Variants in PRKACB observed in about 807,000 individuals in gnomAD.
PRKACB encodes the protein protein kinase cAMP-activated catalytic subunit beta.
In PRKACB, 16 loss-of-function variants were observed where a neutral mutation model predicts 51.4. The ratio of observed to expected loss-of-function variants is 0.31; its 90% CI spans 0.21 to 0.47. PRKACB has a LOEUF of 0.47. Among genes scored for constraint, PRKACB ranks in the 20% least tolerant of loss-of-function variants. The pLI, the probability that PRKACB is intolerant of heterozygous loss-of-function variation, is 1.00. For missense variants in PRKACB, 309 were observed against 464.5 expected (o/e 0.67, Z 3.08); for synonymous variants, 147 against 154.4 (o/e 0.95, Z 0.35).
intron 1 of PRKACB, among the ~76,000 whole-genome samples, chr1:84,093,057 G>A (rs1000210055): frequency 2.0e-5 from 3 of 151,764 alleles, no homozygotes; most frequent in South Asian, 2.1e-4. Context: ...CTTTCTTAAC[G>A]ATGTCTCCTT....
intron 5 of PRKACB, among the ~76,000 whole-genome samples, chr1:84,186,239 G>A (rs1472414344): frequency 6.6e-6 from 1 of 151,154 alleles, no homozygotes; most frequent in Non-Finnish European, 1.5e-5. Context: ...TTTTTTTTGA[G>A]ACTGAGTCTC....
rs115712276 is a variant in PRKACB, at chr1:84,100,458, T to C, written c.46+22087T>C. Among the ~76,000 whole-genome samples the C allele has an allele frequency of 5.4e-3, 829 of 152,264 alleles. 5 individuals carry two copies. Among genetic ancestry groups the C allele is most frequent in the African/African-American group, 0.019 (783 of 41,536 alleles). The stretch of plus-strand genomic sequence containing the variant: ...ATTTTAGAAAGTTATTCACCAAAAC[T>C]TTAATAATTATAAAAAGTGGCTTTT... On this transcript the variant is annotated intron_variant, in intron 1 of 8. Coordinates refer to the PRKACB transcript ENST00000370688.
At chr1:84,093,920 A>C (rs1322046303) in intron 1 of PRKACB, among the ~76,000 whole-genome samples, 5 of 151,908 alleles carry the variant, frequency 3.3e-5, no homozygotes, top group African/African-American at 1.2e-4. Flanking sequence ...TTTCATTGTG[A>C]GTATATAAGC....
At chr1:84,130,554 G>A (rs974981291) in intron 1 of PRKACB, among the ~76,000 whole-genome samples, 6 of 152,162 alleles carry the variant, frequency 3.9e-5, no homozygotes, top group Non-Finnish European at 7.3e-5. Flanking sequence ...AACCCTACAG[G>A]TCTTTGAAAT....
intron 1 of PRKACB, among the ~76,000 whole-genome samples, chr1:84,136,928 G>A (rs1652884459): frequency 6.6e-6 from 1 of 152,130 alleles, no homozygotes; most frequent in Non-Finnish European, 1.5e-5. Flanking sequence ...ATTGAATCAT[G>A]GAGGTGTTTT....
chr1:84,164,540 A>C, intron 1 of PRKACB: 1 of 1,443,246 alleles, frequency 6.9e-7, no homozygotes, highest in Non-Finnish European at 9.4e-7. Context: ...TAAAATAAAA[A>C]GGTATTTTAT....
At chr1:84,093,269 A>ATC (rs375522844) in intron 1 of PRKACB, among the ~76,000 whole-genome samples, 33,182 of 146,212 alleles carry the variant, frequency 0.23, 3,900 homozygotes, top group Middle Eastern at 0.34. Flanking sequence ...AAGTGTGTGC[A>ATC]TCTCTCTCTC....
chr1:84,208,588 C>T lies in PRKACB; in HGVS notation c.907-5565C>T, dbSNP rs370196261. On this transcript the variant is annotated intron_variant, in intron 8 of 9. Transcript: ENST00000370685. ...TACTTTCCCAATGACTTTTCTAGCA[C>T]AGACTGTCCTTGGCGCATCTGTAAA... Among the ~76,000 whole-genome samples the T allele has an allele frequency of 5.3e-4, 80 of 152,312 alleles. 1 individual carries two copies. In the South Asian group the frequency reaches 0.016, roughly 31 times the overall value.
intron 1 of PRKACB, among the ~76,000 whole-genome samples, chr1:84,095,247 G>GGTT (rs759424715): frequency 7.3e-6 from 1 of 137,154 alleles, no homozygotes; most frequent in African/African-American, 2.7e-5. Context: ...CATATTTGCT[G>GGTT]TTTTTTTTTT....
intron 8 of PRKACB, among the ~76,000 whole-genome samples, chr1:84,210,101 A>G (rs914495929): frequency 2.0e-5 from 3 of 152,192 alleles, no homozygotes; most frequent in Non-Finnish European, 4.4e-5. Context: ...AAGTATCACA[A>G]GTGATTCTGA....
intron 9 of PRKACB, among the ~76,000 whole-genome samples, chr1:84,225,384 A>T (rs1674418893): frequency 6.6e-6 from 1 of 152,154 alleles, no homozygotes; most frequent in Non-Finnish European, 1.5e-5. Flanking sequence ...TTCCGGCCCC[A>T]GAAACAGCCT....
intron 1 of PRKACB, among the ~76,000 whole-genome samples, 176 bp downstream of exon 1, chr1:84,144,724 T>A (rs1005546544): frequency 3.9e-5 from 6 of 152,206 alleles, no homozygotes; most frequent in African/African-American, 1.4e-4. Context: ...TTGAGCTGAA[T>A]CATTCAGCTT....
At chr1:84,180,972 T>C (rs190918843) in intron 2 of PRKACB, among the ~76,000 whole-genome samples, 7 of 152,166 alleles carry the variant, frequency 4.6e-5, no homozygotes. Context: ...AACCTAAGAT[T>C]AAATATTAAT....
rs139929771 is a variant in PRKACB, at chr1:84,115,462, A to G, written c.46+37091A>G. ...GAGTAGCATGCAGGTATTTTCTCCTATTGAAAAGGTTGTCTCTTCACCCTG... is the reference window on the plus strand; with the variant it reads ...GAGTAGCATGCAGGTATTTTCTCCTGTTGAAAAGGTTGTCTCTTCACCCTG... On this transcript the variant is annotated intron_variant, in intron 1 of 8. Coordinates refer to the PRKACB transcript ENST00000370688. 7.9e-5 allele frequency among the ~76,000 whole-genome samples: 12 copies of G among 151,884 alleles called. No individual in the cohort carries two copies. The East Asian group carries it at 9.7e-4, about 12-fold the overall frequency.
chr1:84,193,446 A>G (rs6661411), intron 5 of PRKACB, among the ~76,000 whole-genome samples: 21,030 of 152,238 alleles, frequency 0.14, 1,636 homozygotes, highest in Non-Finnish European at 0.16. Context: ...AGCAAGAATT[A>G]CAATGCAAGG....
chr1:84,204,507 C>T (rs200352179), intron 8 of PRKACB: 3 of 1,603,098 alleles, frequency 1.9e-6, no homozygotes, highest in Non-Finnish European at 2.6e-6. Context: ...CAAAACAAAA[C>T]TTTGAGAAAA....
intron 1 of PRKACB, among the ~76,000 whole-genome samples, chr1:84,082,077 C>T (rs1647584319): frequency 6.6e-6 from 1 of 152,290 alleles, no homozygotes; most frequent in East Asian, 1.9e-4. Context: ...TTTACTTACT[C>T]TTTTAAACTG....
At chr1:84,092,001 T>C (rs1017265539) in intron 1 of PRKACB, among the ~76,000 whole-genome samples, 16 of 152,224 alleles carry the variant, frequency 1.1e-4, no homozygotes, top group Non-Finnish European at 2.4e-4. Flanking sequence ...GTTTTTGTTA[T>C]GATTGGTTTT....
intron 5 of PRKACB, among the ~76,000 whole-genome samples, chr1:84,186,421 G>A (rs1380847819): frequency 2.0e-5 from 3 of 151,916 alleles, no homozygotes; most frequent in Non-Finnish European, 4.4e-5. Context: ...TTTTCACCGT[G>A]TTGGCCAGGC....
Sources: allele counts gnomAD v4.1 joint callset (sites outside exome capture counted in the v4.1 genomes callset), GRCh38; gene constraint gnomAD v4.1.1; transcripts MANE v1.5; gene names NCBI Gene and HGNC (gene_info 2026-07-23, HGNC 2026-07-21).